The following IFT43 variants were observed in gnomAD, a reference collection of about 807,000 sequenced individuals.
The protein encoded by IFT43 is intraflagellar transport protein 43 homolog.
A neutral mutation model predicts 32.3 loss-of-function variants in IFT43; 33 were observed. The observed-to-expected ratio is 1.02, with a 90% CI of 0.77 to 1.37. The LOEUF (loss-of-function observed/expected upper bound fraction) is 1.37. Ranked by LOEUF, IFT43 falls within the 40% of genes most tolerant of loss-of-function variation. The pLI, the probability that IFT43 is intolerant of heterozygous loss-of-function variation, is 0.00. For missense variants in IFT43, 274 were observed against 265.9 expected, an observed-to-expected ratio of 1.03 and a Z score of -0.21; for synonymous variants, 93 against 98.2, an observed-to-expected ratio of 0.95 and a Z score of 0.31.
intron 5 of IFT43, among the ~76,000 whole-genome samples, chr14:76,076,891 CTATT>C (rs1299643277): frequency 2.6e-5 from 4 of 151,960 alleles, no homozygotes; most frequent in East Asian, 1.9e-4. Context: ...CTATAAGTTT[CTATT>C]TATTTAGGCA....
Position 76,065,879 on chromosome 14 carries a change from C to T in IFT43, c.295+6506C>T, listed in dbSNP as rs1169863487. On this transcript the variant is annotated intron_variant, in intron 5 of 8. Transcript: ENST00000314067. ...AACCAGTCCTTCCACCTCGGTTTCC[C>T]GAAGTGCCGGACTACAGGCATATGC... is the stretch of plus-strand genomic sequence containing the variant. 3.9e-5 allele frequency among the ~76,000 whole-genome samples: 6 copies of T among 152,202 alleles called. No individual in the cohort carries two copies. The East Asian group carries it at 7.7e-4, about 20-fold the overall frequency.
At chr14:76,015,559 G>GA (rs1239912687) in intron 2 of IFT43, among the ~76,000 whole-genome samples, 6 of 152,104 alleles carry the variant, frequency 3.9e-5, no homozygotes, top group Non-Finnish European at 8.8e-5. Flanking sequence ...AGTTATTAGT[G>GA]AAAAAAATCC....
chr14:76,075,943 A>G (rs963577402), intron 5 of IFT43, among the ~76,000 whole-genome samples: 1 of 152,228 alleles, frequency 6.6e-6, no homozygotes, highest in African/African-American at 2.4e-5. Context: ...GTTTTCTTGC[A>G]CTTGAGAGCT....
chr14:76,027,742 A>G (rs2036431235), intron 3 of IFT43, among the ~76,000 whole-genome samples: 1 of 151,594 alleles, frequency 6.6e-6, no homozygotes, highest in African/African-American at 2.4e-5. Context: ...GACATTCTCT[A>G]CAGTATCACA....
At chr14:76,001,187 G>C (rs549742523) in intron 2 of IFT43, among the ~76,000 whole-genome samples, 1 of 152,298 alleles carries the variant, frequency 6.6e-6, no homozygotes, top group South Asian at 2.1e-4. Context: ...GATGGATCCA[G>C]GTTTTATGAG....
At position 76,083,295 on chromosome 14, in the gene IFT43, G is replaced by A. The variant is rs1388026130; in HGVS notation, c.507+6G>A. On this transcript the variant is annotated splice_donor_region_variant and intron_variant, in intron 8 of 8. Coordinates refer to ENST00000314067, the MANE Select transcript of IFT43 (RefSeq NM_001102564.3). ...CGGAGCACGAAGTCCGGGAGGTACA[G>A]TGGTGGCAGCAATTCCCCGGTCTCT... The A allele has an allele frequency of 1.2e-6, 2 of 1,613,142 alleles. No individual in the cohort carries two copies. Among genetic ancestry groups the A allele is most frequent in the Non-Finnish European group, 1.7e-6 (2 of 1,179,058 alleles).
At chr14:76,004,441 C>T (rs2035945422) in intron 2 of IFT43, among the ~76,000 whole-genome samples, 1 of 152,020 alleles carries the variant, frequency 6.6e-6, no homozygotes, top group Admixed American at 6.6e-5. Context: ...CCTCTGGCTG[C>T]TTTAAAGATT....
At chr14:75,985,952 C>T in intron 1 of IFT43, 112 bp downstream of exon 1, 2 of 1,540,068 alleles carry the variant, frequency 1.3e-6, no homozygotes, top group South Asian at 2.4e-5. Flanking sequence ...TCGCGCCGCG[C>T]CGGGTGAGGC....
rs1479512534 is a variant in IFT43 at position 76,014,207 on chromosome 14, CTG to C, written c.148-8117_148-8116del. 10 of 205,236 alleles carry C rather than the reference CTG, an allele frequency of 4.9e-5. No homozygotes were observed. The East Asian group carries it at 5.6e-4, about 11-fold the overall frequency. The allele number at this position is 205,236 out of a possible 1,614,324, so 12.7% of individuals were successfully genotyped here. On this transcript the variant is annotated intron_variant, in intron 2 of 8. Coordinates refer to ENST00000314067, the MANE Select transcript of IFT43 (RefSeq NM_001102564.3). Reference sequence around the variant, plus strand: ...GACCCCAAGCAGTGCATTCAGGACTCTGTGGAAAATTGACATGTGCTACCACC... The same window carrying C: ...GACCCCAAGCAGTGCATTCAGGACTCTGGAAAATTGACATGTGCTACCACC...
At chr14:75,990,139 C>T (rs1221649799) in intron 2 of IFT43, among the ~76,000 whole-genome samples, 1 of 152,250 alleles carries the variant, frequency 6.6e-6, no homozygotes, top group Non-Finnish European at 1.5e-5. Flanking sequence ...CTGGAGGCCA[C>T]ATGCCCCCTC....
chr14:76,059,178 C>T, intron 4 of IFT43, 149 bp from the exon 5 acceptor site: 1 of 1,576,766 alleles, frequency 6.3e-7, no homozygotes, highest in South Asian at 1.1e-5. Flanking sequence ...ACCCAGTGGC[C>T]TAATTAGGTT....
chr14:75,992,066 G>C (rs1206536615), intron 2 of IFT43, among the ~76,000 whole-genome samples: 1 of 152,156 alleles, frequency 6.6e-6, no homozygotes, highest in African/African-American at 2.4e-5. Context: ...ATGGTACCTG[G>C]GAGCTGTCAG....
At chr14:76,081,542 T>C (rs1423023879) in intron 5 of IFT43, among the ~76,000 whole-genome samples, 1 of 152,224 alleles carries the variant, frequency 6.6e-6, no homozygotes, top group Non-Finnish European at 1.5e-5. Context: ...GTTGCCACAA[T>C]TAAGGGATGG....
rs200604370 is a variant in IFT43 at position 76,007,840 on chromosome 14, G to A, written c.148-14487G>A. Among the ~76,000 whole-genome samples, 7 of 152,220 alleles carry A rather than the reference G, an allele frequency of 4.6e-5. No individual in the cohort carries two copies. The East Asian group carries it at 1.4e-3, about 29-fold the overall frequency. ...GACCCAAGAAGAGGAAGAAGGGAGAGCTGATGTAGGATGACCCAAAAGGAT... is the reference window on the plus strand; with the variant it reads ...GACCCAAGAAGAGGAAGAAGGGAGAACTGATGTAGGATGACCCAAAAGGAT... On this transcript the variant is annotated intron_variant, in intron 2 of 8. Transcript: ENST00000314067.
chr14:76,067,552 A>G (rs1027792073), intron 5 of IFT43, among the ~76,000 whole-genome samples: 2 of 151,526 alleles, frequency 1.3e-5, no homozygotes, highest in East Asian at 3.9e-4. Flanking sequence ...ACTGCACTCC[A>G]GCCTGGGAGA....
intron 5 of IFT43, among the ~76,000 whole-genome samples, chr14:76,075,158 C>G (rs1054363907): frequency 6.6e-6 from 1 of 152,206 alleles, no homozygotes; most frequent in Non-Finnish European, 1.5e-5. Context: ...CAGGGCCACA[C>G]GCATGCTGCG....
chr14:76,054,518 T>C (rs920673177), intron 3 of IFT43, among the ~76,000 whole-genome samples: 1 of 152,250 alleles, frequency 6.6e-6, no homozygotes, highest in Non-Finnish European at 1.5e-5. Flanking sequence ...ACAGCTGCAG[T>C]GCCCAGCGTC....
At chr14:75,991,388 AGTGTGTGTGTGTGTGTGT>A (rs34624480) in intron 2 of IFT43, among the ~76,000 whole-genome samples, 53 of 141,998 alleles carry the variant, frequency 3.7e-4, no homozygotes, top group African/African-American at 1.2e-3. Flanking sequence ...TATTAACAAG[AGTGTGTGTGTGTGTGTGT>A]GTGTGTGTGT....
intron 2 of IFT43, among the ~76,000 whole-genome samples, chr14:76,000,262 C>CTTTTT (rs35001298): frequency 2.6e-5 from 3 of 115,560 alleles, no homozygotes; most frequent in Non-Finnish European, 3.6e-5. Flanking sequence ...TAACTGGCTT[C>CTTTTT]TTTTTTTTTT....
Sources: allele counts gnomAD v4.1 joint callset (sites outside exome capture counted in the v4.1 genomes callset), GRCh38; gene constraint gnomAD v4.1.1; transcripts MANE v1.5; gene names NCBI Gene and HGNC (gene_info 2026-07-23, HGNC 2026-07-21).